ACTC1: variants seen among roughly 807,000 people sequenced by gnomAD.
The protein encoded by ACTC1 is actin, alpha cardiac muscle 1.
Under a neutral mutation model 31.6 loss-of-function variants are expected in ACTC1, and 10 were observed. That is an observed-to-expected ratio of 0.32 (90% CI 0.19 to 0.54). The LOEUF (loss-of-function observed/expected upper bound fraction) is 0.54. ACTC1 is among the 20% of genes least tolerant of loss of function. The pLI is 0.95. For synonymous variants in ACTC1, 196 were observed against 185.0 expected (o/e 1.06, Z -0.48); for missense variants, 129 against 506.4 (o/e 0.25, Z 7.15).
Position 34,794,674 on chromosome 15 carries a change from G to C in ACTC1, c.129+6C>G, listed in dbSNP as rs564151494. 307 of 1,611,136 alleles carry C rather than the reference G, an allele frequency of 1.9e-4. 6 individuals are homozygous for C. In the South Asian group the frequency reaches 3.2e-3, roughly 17 times the overall value. On this transcript the variant is annotated splice_donor_region_variant and intron_variant, in intron 2 of 6. Coordinates refer to ENST00000290378, the MANE Select transcript of ACTC1 (RefSeq NM_005159.5). ...AGTGGGACGGGGGGCTCGGCGGGAA[G>C]TTTACCTGGTGCCGCGGGCGGCCCA... is the stretch of plus-strand genomic sequence containing the variant.
rs983260254 is a variant in ACTC1, at chr15:34,793,190, G to C, written c.454+55C>G. On this transcript the variant is annotated intron_variant, in intron 3 of 6. Transcript: ENST00000290378. This position sits in a 1 kb window ranked among gnomAD's most constrained non-coding sequence, Gnocchi z 4.8. ...AACTGGGGGATCTGATTCACAGCAA[G>C]GTCGGTGACTTGGGAATGTGATTCA... 2.6e-6 allele frequency: 4 copies of C among 1,558,702 alleles called. No homozygotes were observed. The highest frequency in any genetic ancestry group is 3.3e-5 in the Admixed American group (2 of 59,764).
intron 2 of ACTC1, 100 bp downstream of exon 2, chr15:34,794,580 T>C: frequency 2.1e-6 from 3 of 1,458,672 alleles, no homozygotes; most frequent in Middle Eastern, 1.8e-4. Flanking sequence ...TAATTTGGCC[T>C]AAAGAGTTCA....
At position 34,792,632 on chromosome 15, in the gene ACTC1, C is replaced by A. The variant is rs896198613; in HGVS notation, c.455-63G>T. ...GAGGACAACACCACTGCTCTAGCCACGGCAAAGCCCGCTTCCAATCTTGGC... is the reference window on the plus strand; with the variant it reads ...GAGGACAACACCACTGCTCTAGCCAAGGCAAAGCCCGCTTCCAATCTTGGC... On this transcript the variant is annotated intron_variant, in intron 3 of 6. Coordinates refer to ENST00000290378, the MANE Select transcript of ACTC1 (RefSeq NM_005159.5). This position sits in a 1 kb window ranked among gnomAD's most constrained non-coding sequence, Gnocchi z 5.3. The A allele has an allele frequency of 6.4e-7, 1 of 1,573,432 alleles. No homozygotes were observed.
At position 34,792,684 on chromosome 15, in the gene ACTC1, T is replaced by C; in HGVS notation, c.455-115A>G. The C allele has an allele frequency of 8.9e-7, 1 of 1,126,002 alleles. No homozygotes were observed. Among genetic ancestry groups the C allele is most frequent in the Non-Finnish European group, 1.3e-6 (1 of 752,888 alleles). 69.8% of individuals were successfully genotyped at this position (1,126,002 alleles called of 1,614,324 possible). A position where few individuals can be genotyped will look rare whatever the true frequency, so the allele number is the denominator to read the frequency against. ...AAGAGATGCTAGCAATGGGCATTGATCCAGATAAAATTAGATTCCTTACAC... is the reference window on the plus strand; with the variant it reads ...AAGAGATGCTAGCAATGGGCATTGACCCAGATAAAATTAGATTCCTTACAC... On this transcript the variant is annotated intron_variant, in intron 3 of 6. Transcript: ENST00000290378. The surrounding 1 kb of genome is among the most constrained non-coding windows in gnomAD (Gnocchi z 5.3).
At chr15:34,791,052 A>G in intron 6 of ACTC1, 62 bp downstream of exon 6, 1 of 1,470,182 alleles carries the variant, frequency 6.8e-7, no homozygotes, top group Non-Finnish European at 9.3e-7. Flanking sequence ...GGAATTTGGA[A>G]CGTAGTTCTG....
chr15:34,794,716 A>T lies in ACTC1; in HGVS notation c.93T>A (p.Ala31=), dbSNP rs1341945129. ...AGFAGDDAPR[A]VFPSIVGRPR... ...GGCGGCCCACGATGGACGGGAAGAC[A>T]GCGCGGGGCGCGTCATCGCCCGCAA... is the stretch of plus-strand genomic sequence containing the variant. The change falls in exon 2 of 7, where the codon GCT becomes GCA. Residue 31 remains alanine (A), a synonymous_variant. Transcript: ENST00000290378. The T allele has an allele frequency of 1.2e-6, 2 of 1,613,082 alleles. No homozygotes were observed. The highest frequency in any genetic ancestry group is 1.7e-6 in the Non-Finnish European group (2 of 1,179,700).
At chr15:34,794,942 G>T in intron 1 of ACTC1, 112 bp from the exon 2 acceptor site, 1 of 1,006,678 alleles carries the variant, frequency 9.9e-7, no homozygotes, top group Non-Finnish European at 1.4e-6. Flanking sequence ...CTGGACAGGG[G>T]GTTGGGCGGG....
At chr15:34,791,877 G>C (rs2140430292) in intron 5 of ACTC1, 1 of 581,140 alleles carries the variant, frequency 1.7e-6, no homozygotes, top group Non-Finnish European at 3.0e-6. Context: ...TTTATTTTGA[G>C]ATGAACTCAG....
Position 34,792,910 on chromosome 15 carries a change from C to G in ACTC1, c.454+335G>C. ...TTACACGTTTCTCTCTCTTTTGACTCAGACCCTGTATGGAATGTATTCTCC... is the reference window on the plus strand; with the variant it reads ...TTACACGTTTCTCTCTCTTTTGACTGAGACCCTGTATGGAATGTATTCTCC... On this transcript the variant is annotated intron_variant, in intron 3 of 6. Transcript: ENST00000290378. This position sits in a 1 kb window ranked among gnomAD's most constrained non-coding sequence, Gnocchi z 5.3. The G allele has an allele frequency of 2.0e-6, 1 of 509,190 alleles. No individual in the cohort carries two copies. The highest frequency in any genetic ancestry group is 3.6e-6 in the Non-Finnish European group (1 of 281,458). The allele number at this position is 509,190 out of a possible 1,614,324, so 31.5% of individuals were successfully genotyped here. A position where few individuals can be genotyped will look rare whatever the true frequency, so the allele number is the denominator to read the frequency against.
rs756249146 is a variant in ACTC1 at position 34,793,240 on chromosome 15, C to G, written c.454+5G>C. ...ATCAGTAACTGTCCCCAGAGCCCAGCATACCTGTGGTACGGCCAGAAGCAT... is the reference window on the plus strand; with the variant it reads ...ATCAGTAACTGTCCCCAGAGCCCAGGATACCTGTGGTACGGCCAGAAGCAT... On this transcript the variant is annotated splice_donor_5th_base_variant and intron_variant, in intron 3 of 6. Transcript: ENST00000290378. The surrounding 1 kb of genome is among the most constrained non-coding windows in gnomAD (Gnocchi z 4.8). 1.2e-6 allele frequency: 2 copies of G among 1,613,968 alleles called. No homozygotes were observed. The highest frequency in any genetic ancestry group is 3.3e-5 in the Admixed American group (2 of 60,026).
chr15:34,791,809 T>G (rs1891712365), intron 5 of ACTC1: 2 of 457,404 alleles, frequency 4.4e-6, no homozygotes, highest in Non-Finnish European at 8.0e-6. Flanking sequence ...AGTCAGCTCT[T>G]GTGAACTAGC....
intron 5 of ACTC1, among the ~76,000 whole-genome samples, chr15:34,791,501 T>C (rs1157438262): frequency 6.6e-6 from 1 of 152,148 alleles, no homozygotes; most frequent in Non-Finnish European, 1.5e-5. Context: ...CACAATACAA[T>C]GCCAAGAAAG....
intron 2 of ACTC1, among the ~76,000 whole-genome samples, chr15:34,794,439 C>T (rs1891771786): frequency 1.3e-5 from 2 of 152,238 alleles, no homozygotes; most frequent in South Asian, 4.1e-4. Flanking sequence ...TGGAGAGAAG[C>T]AGGTGGCTTT....
At position 34,793,690 on chromosome 15, in the gene ACTC1, G is replaced by A; in HGVS notation, c.130-121C>T. On this transcript the variant is annotated intron_variant, in intron 2 of 6. Transcript: ENST00000290378. The surrounding 1 kb of genome is among the most constrained non-coding windows in gnomAD (Gnocchi z 4.8). ...CATATTTAAATACCAGAAATAACAA[G>A]CAATACGATTTTACCCCAATTTAGA... The A allele has an allele frequency of 1.1e-6, 1 of 947,442 alleles. No individual in the cohort carries two copies. The highest frequency in any genetic ancestry group is 1.6e-6 in the Non-Finnish European group (1 of 612,236). 58.7% of individuals were successfully genotyped at this position (947,442 alleles called of 1,614,324 possible).
At chr15:34,790,688 G>C (rs922227193) in intron 6 of ACTC1, 133 bp from the exon 7 acceptor site, 1 of 955,564 alleles carries the variant, frequency 1.0e-6, no homozygotes, top group East Asian at 2.6e-5. Flanking sequence ...GTCATACCAC[G>C]AAATAATGTG....
intron 1 of ACTC1, among the ~76,000 whole-genome samples, 160 bp from the exon 2 acceptor site, chr15:34,794,990 A>G (rs562381720): frequency 6.6e-6 from 1 of 152,232 alleles, no homozygotes; most frequent in African/African-American, 2.4e-5. Flanking sequence ...CGAATCATAA[A>G]AGGGAGGGAA....
At chr15:34,791,554 A>G in intron 5 of ACTC1, 2 of 492,774 alleles carry the variant, frequency 4.1e-6, no homozygotes, top group Non-Finnish European at 7.2e-6. Context: ...ACACCTCCTG[A>G]AACTCTCAGA....
At chr15:34,794,913 C>A in intron 1 of ACTC1, 83 bp from the exon 2 acceptor site, 2 of 1,262,320 alleles carry the variant, frequency 1.6e-6, no homozygotes, top group Non-Finnish European at 2.2e-6. Flanking sequence ...CAGGACAGAG[C>A]AGAAGGGGGT....
In ACTC1 at chr15:34,794,891, G is replaced by T. The variant is rs540451830; in HGVS notation, c.-22-61C>A. On this transcript the variant is annotated intron_variant, in intron 1 of 6. Transcript: ENST00000290378. Reference sequence around the variant, plus strand: ...GCTGCCTGTGCAGCTGGCCTTCTCCGCACCCAGAGGACAGGACAGAGCAGA... The same window carrying T: ...GCTGCCTGTGCAGCTGGCCTTCTCCTCACCCAGAGGACAGGACAGAGCAGA... The T allele has an allele frequency of 9.5e-6, 13 of 1,364,412 alleles. No individual in the cohort carries two copies. In the East Asian group the frequency reaches 4.4e-4, roughly 47 times the overall value. 84.5% of individuals were successfully genotyped at this position (1,364,412 alleles called of 1,614,324 possible).
Sources: allele counts gnomAD v4.1 joint callset (sites outside exome capture counted in the v4.1 genomes callset), GRCh38; gene constraint gnomAD v4.1.1; non-coding constraint Gnocchi (gnomAD v3.1); transcripts MANE v1.5; gene names NCBI Gene and HGNC (gene_info 2026-07-23, HGNC 2026-07-21).